The following SUSD1 variants were observed in gnomAD, a reference collection of about 807,000 sequenced individuals.
SUSD1 encodes the protein sushi domain containing 1.
A neutral mutation model predicts 86.9 loss-of-function variants in SUSD1; 65 were observed. The observed-to-expected ratio is 0.75, with a 90% CI of 0.61 to 0.92. The LOEUF is 0.92. SUSD1 is among the 40% of genes least tolerant of loss of function. The pLI, the probability that SUSD1 is intolerant of heterozygous loss-of-function variation, is 0.00. For missense variants in SUSD1, 850 were observed against 929.7 expected, an observed-to-expected ratio of 0.91 and a Z score of 1.11; for synonymous variants, 346 against 350.0, an observed-to-expected ratio of 0.99 and a Z score of 0.13.
rs372045627 is a variant in SUSD1 at position 112,098,656 on chromosome 9, C to T, written c.1288G>A (p.Val430Ile). Residue 430 changes from valine to isoleucine, a missense_variant, in exon 10 of 17, where the codon GTT (valine) becomes ATT (isoleucine). Val to Ile is a conservative substitution (Grantham distance 29, BLOSUM62 3). Transcript: ENST00000374270. The part of the protein sequence containing the change: ...VGSEHMYQFT[V>I]LGQRWYLANF... Reference sequence around the variant, plus strand: ...GCCAGATACCACCTCTGACCCAGAACGGTAAACTGTCATGAGATTAAAAGA... The same window carrying T: ...GCCAGATACCACCTCTGACCCAGAATGGTAAACTGTCATGAGATTAAAAGA... 8.1e-6 allele frequency: 13 copies of T among 1,614,068 alleles called. No individual in the cohort carries two copies. Among genetic ancestry groups the T allele is most frequent in the Middle Eastern group, 1.6e-4 (1 of 6,062 alleles).
intron 5 of SUSD1, among the ~76,000 whole-genome samples, chr9:112,139,532 C>T (rs1487588711): frequency 1.3e-5 from 2 of 151,930 alleles, no homozygotes; most frequent in African/African-American, 4.8e-5. Context: ...GCAGCCTCAA[C>T]CTCACAGGCT....
At chr9:112,133,535 C>T (rs1412099430) in intron 5 of SUSD1, among the ~76,000 whole-genome samples, 1 of 152,158 alleles carries the variant, frequency 6.6e-6, no homozygotes, top group South Asian at 2.1e-4. Context: ...TGAAACTGGA[C>T]CCCTGCCATT....
chr9:112,144,819 T>C (rs1042747686), intron 3 of SUSD1, among the ~76,000 whole-genome samples: 1 of 152,148 alleles, frequency 6.6e-6, no homozygotes, highest in African/African-American at 2.4e-5. Flanking sequence ...GCAGATTTTT[T>C]TGCACCTGAC....
At chr9:112,144,902 C>T (rs995980581) in intron 3 of SUSD1, among the ~76,000 whole-genome samples, 2 of 152,096 alleles carry the variant, frequency 1.3e-5, no homozygotes, top group African/African-American at 4.8e-5. Flanking sequence ...AGAAATCTCT[C>T]TTCCAGTTAG....
intron 10 of SUSD1, among the ~76,000 whole-genome samples, chr9:112,092,267 C>T (rs1360869645): frequency 6.6e-6 from 1 of 152,240 alleles, no homozygotes; most frequent in Non-Finnish European, 1.5e-5. Context: ...ATTTCTAATG[C>T]ATCTTTTCTG....
chr9:112,158,583 G>C (rs1200778334), intron 1 of SUSD1, among the ~76,000 whole-genome samples: 1 of 151,860 alleles, frequency 6.6e-6, no homozygotes, highest in Non-Finnish European at 1.5e-5. Context: ...GTACAGATGG[G>C]GTCTCCCTAT....
At chr9:112,145,504 A>T (rs973390178) in intron 3 of SUSD1, among the ~76,000 whole-genome samples, 3 of 151,758 alleles carry the variant, frequency 2.0e-5, no homozygotes, top group African/African-American at 2.4e-5. Context: ...CTGGTCTCGA[A>T]CTCCCGACCT....
intron 5 of SUSD1, among the ~76,000 whole-genome samples, chr9:112,127,816 C>T (rs766395513): frequency 6.6e-6 from 1 of 152,074 alleles, no homozygotes; most frequent in Non-Finnish European, 1.5e-5. Context: ...TTGTTGTTGT[C>T]GCTGTTGTTG....
chr9:112,063,506 G>C (rs1381699061), intron 12 of SUSD1, among the ~76,000 whole-genome samples: 1 of 152,256 alleles, frequency 6.6e-6, no homozygotes, highest in Non-Finnish European at 1.5e-5. Flanking sequence ...GCAGAGGATA[G>C]ATGTGGTGAG....
At position 112,113,906 on chromosome 9, in the gene SUSD1, T is replaced by G. The variant is rs530621804; in HGVS notation, c.887-1038A>C. Among the ~76,000 whole-genome samples the G allele has an allele frequency of 2.0e-5, 3 of 152,194 alleles. No individual in the cohort carries two copies. The highest frequency in any genetic ancestry group is 7.2e-5 in the African/African-American group (3 of 41,516). On this transcript the variant is annotated intron_variant, in intron 6 of 16. Coordinates refer to ENST00000374270, the MANE Select transcript of SUSD1 (RefSeq NM_022486.5). This position sits in a 1 kb window ranked among gnomAD's most constrained non-coding sequence, Gnocchi z 4.1. The stretch of plus-strand genomic sequence containing the variant: ...GAGATTGCACCACTGCACTCCAGCC[T>G]GGGTGACGGAGCAAAACTCCATCTC...
intron 6 of SUSD1, among the ~76,000 whole-genome samples, chr9:112,123,493 A>G (rs1831635566): frequency 6.6e-6 from 1 of 152,190 alleles, no homozygotes; most frequent in African/African-American, 2.4e-5. Flanking sequence ...GGAGGAGACA[A>G]ACATCCAAAC....
At chr9:112,127,011 C>A (rs1831802535) in intron 5 of SUSD1, among the ~76,000 whole-genome samples, 1 of 152,188 alleles carries the variant, frequency 6.6e-6, no homozygotes. Context: ...CAAAGTTACA[C>A]AGGCAATTGT....
chr9:112,170,732 G>A (rs985460479), intron 1 of SUSD1, among the ~76,000 whole-genome samples: 1 of 151,464 alleles, frequency 6.6e-6, no homozygotes, highest in African/African-American at 2.4e-5. Flanking sequence ...GAGAGAGAGA[G>A]AGAGCCTTGC....
rs148000556 is a variant in SUSD1 at position 112,123,403 on chromosome 9, G to A, written c.886+854C>T. Among the ~76,000 whole-genome samples, 414 of 152,250 alleles carry A rather than the reference G, an allele frequency of 2.7e-3. 6 individuals are homozygous for A. Among genetic ancestry groups the A allele is most frequent in the African/African-American group, 9.5e-3 (394 of 41,538 alleles). On this transcript the variant is annotated intron_variant, in intron 6 of 16. Transcript: ENST00000374270. ...AAGGGGAGGACACAAAGCCATTCCTGAGTGATCTACCCCCATGACCCAAAC... is the reference window on the plus strand; with the variant it reads ...AAGGGGAGGACACAAAGCCATTCCTAAGTGATCTACCCCCATGACCCAAAC...
chr9:112,086,212 A>T (rs905234704), intron 10 of SUSD1, among the ~76,000 whole-genome samples: 2 of 151,614 alleles, frequency 1.3e-5, no homozygotes, highest in African/African-American at 4.8e-5. Flanking sequence ...CAGCTACTCG[A>T]AAAGCTGAGG....
At chr9:112,071,351 T>C (rs1273633095) in intron 12 of SUSD1, among the ~76,000 whole-genome samples, 1 of 152,072 alleles carries the variant, frequency 6.6e-6, no homozygotes, top group African/African-American at 2.4e-5. Context: ...TCTCAGCTAC[T>C]TGGGAGGCTG....
chr9:112,124,167 G>C (rs1831666630), intron 6 of SUSD1, 90 bp downstream of exon 6: 1 of 1,337,124 alleles, frequency 7.5e-7, no homozygotes, highest in African/African-American at 1.5e-5. Flanking sequence ...ACAGTATGTA[G>C]AGTGAAGCAG....
chr9:112,118,407 A>C (rs2131669643), intron 6 of SUSD1, among the ~76,000 whole-genome samples: 1 of 152,342 alleles, frequency 6.6e-6, no homozygotes, highest in East Asian at 1.9e-4. Context: ...ACATAAAATA[A>C]GTAGGAGTAG....
chr9:112,047,884 G>A (rs1828024703), intron 15 of SUSD1, among the ~76,000 whole-genome samples: 1 of 152,132 alleles, frequency 6.6e-6, no homozygotes, highest in African/African-American at 2.4e-5. Flanking sequence ...CCAGCCTACA[G>A]ACTCATGAGC....
Sources: gnomAD v4.1 joint callset for allele counts (sites outside exome capture counted in the v4.1 genomes callset) on GRCh38, gnomAD v4.1.1 for gene constraint, Gnocchi (gnomAD v3.1) non-coding constraint, MANE v1.5 for transcripts, NCBI Gene and HGNC (gene_info 2026-07-23, HGNC 2026-07-21) for gene names.